ERBB4: variants seen among roughly 807,000 people sequenced by gnomAD.
ERBB4 encodes receptor tyrosine-protein kinase erbB-4.
A neutral mutation model predicts 158.0 loss-of-function variants in ERBB4; 42 were observed. The ratio of observed to expected loss-of-function variants is 0.27; its 90% CI spans 0.21 to 0.34. The LOEUF is 0.34. Among genes scored for constraint, ERBB4 ranks in the 10% least tolerant of loss-of-function variants. The pLI is 1.00. For synonymous variants in ERBB4, 583 were observed against 558.7 expected, an observed-to-expected ratio of 1.04 and a Z score of -0.61; for missense variants, 1,333 against 1,624.1, an observed-to-expected ratio of 0.82 and a Z score of 3.08.
intron 9 of ERBB4, among the ~76,000 whole-genome samples, chr2:211,710,832 G>A (rs1241083234): frequency 1.3e-5 from 2 of 151,962 alleles, no homozygotes; most frequent in African/African-American, 2.4e-5. Flanking sequence ...CTTCCATCAT[G>A]ATTGTGAGGC....
intron 1 of ERBB4, among the ~76,000 whole-genome samples, chr2:212,393,147 A>G (rs952580980): frequency 2.0e-5 from 3 of 152,024 alleles, no homozygotes; most frequent in African/African-American, 7.2e-5. Context: ...TGTTCAAATT[A>G]TTCTGTCCCA....
intron 1 of ERBB4, among the ~76,000 whole-genome samples, chr2:212,427,317 G>A (rs919055324): frequency 6.6e-6 from 1 of 152,140 alleles, no homozygotes; most frequent in Non-Finnish European, 1.5e-5. Flanking sequence ...TTAAGGTAGA[G>A]ATGACAGTTT....
intron 20 of ERBB4, among the ~76,000 whole-genome samples, chr2:211,471,122 A>G (rs1191501570): frequency 6.6e-6 from 1 of 152,108 alleles, no homozygotes; most frequent in East Asian, 1.9e-4. Context: ...GCCCGGGAGG[A>G]TAAGACTACC....
At chr2:211,990,951 G>A (rs1006821187) in intron 2 of ERBB4, among the ~76,000 whole-genome samples, 1 of 151,396 alleles carries the variant, frequency 6.6e-6, no homozygotes, top group Non-Finnish European at 1.5e-5. Flanking sequence ...TTCTTCAAAC[G>A]ACAAAATTCA....
intron 20 of ERBB4, among the ~76,000 whole-genome samples, chr2:211,455,296 T>A (rs2125488467): frequency 6.6e-6 from 1 of 152,358 alleles, no homozygotes; most frequent in African/African-American, 2.4e-5. Context: ...TACTAGCTGA[T>A]TTGAGAAGTT....
At chr2:211,879,726 C>G (rs2106144818) in intron 3 of ERBB4, among the ~76,000 whole-genome samples, 2 of 152,110 alleles carry the variant, frequency 1.3e-5, no homozygotes, top group South Asian at 4.1e-4. Flanking sequence ...TAGTAAAAAA[C>G]TAGAAGCTAG....
At chr2:211,717,354 A>G (rs1010386210) in intron 7 of ERBB4, among the ~76,000 whole-genome samples, 3 of 152,336 alleles carry the variant, frequency 2.0e-5, no homozygotes, top group South Asian at 4.1e-4. Context: ...TGAAATATTT[A>G]AGATGCAAAA....
chr2:211,587,141 C>T (rs1325006839), intron 19 of ERBB4, among the ~76,000 whole-genome samples: 1 of 151,034 alleles, frequency 6.6e-6, no homozygotes, highest in African/African-American at 2.4e-5. Context: ...TCAAGGAGAT[C>T]AGGAGTTCAA....
intron 2 of ERBB4, among the ~76,000 whole-genome samples, chr2:212,058,888 G>C (rs2077668481): frequency 6.6e-6 from 1 of 152,136 alleles, no homozygotes; most frequent in African/African-American, 2.4e-5. Flanking sequence ...CACAAGACAG[G>C]GATGCCCTCT....
chr2:212,429,156 T>TA, intron 1 of ERBB4: 1 of 152,150 alleles, frequency 6.6e-6, no homozygotes, highest in Admixed American at 6.6e-5. Context: ...AAGAGAAACT[T>TA]ACAAATGCAG....
At chr2:211,604,971 A>C (rs186968243) in intron 19 of ERBB4, among the ~76,000 whole-genome samples, 52 of 152,298 alleles carry the variant, frequency 3.4e-4, no homozygotes, top group African/African-American at 1.2e-3. Flanking sequence ...TCTTAAATAC[A>C]GGCTTTCATT....
intron 2 of ERBB4, among the ~76,000 whole-genome samples, chr2:212,110,589 G>A (rs2079374723): frequency 1.3e-5 from 2 of 152,224 alleles, no homozygotes; most frequent in South Asian, 4.1e-4. Flanking sequence ...TGATATCTAA[G>A]TCCTTTAACT....
chr2:211,772,955 A>ATATAT lies in ERBB4; in HGVS notation c.556+15069_556+15070insATATA, dbSNP rs1553630145. Among the ~76,000 whole-genome samples, 52 of 83,292 alleles carry ATATAT rather than the reference A, an allele frequency of 6.2e-4. 1 individual carries two copies. Among genetic ancestry groups the ATATAT allele is most frequent in the African/African-American group, 2.7e-3 (49 of 18,326 alleles). 54.6% of individuals were successfully genotyped at this position (83,292 alleles called of 152,430 possible). A position where few individuals can be genotyped will look rare whatever the true frequency, so the allele number is the denominator to read the frequency against. ...TATATATATATATATATATATATAT[A>ATATAT]TTTTTTTTTTTAAAGATGGGGTCCT... is the stretch of plus-strand genomic sequence containing the variant. On this transcript the variant is annotated intron_variant, in intron 4 of 27. Coordinates refer to ENST00000342788, the MANE Select transcript of ERBB4 (RefSeq NM_005235.3).
chr2:211,573,292 C>T (rs569491341), intron 19 of ERBB4, among the ~76,000 whole-genome samples: 1 of 152,230 alleles, frequency 6.6e-6, no homozygotes, highest in Admixed American at 6.5e-5. Context: ...TGCAGCCCTA[C>T]CAACATCTTG....
At chr2:212,487,526 A>T (rs892531747) in intron 1 of ERBB4, among the ~76,000 whole-genome samples, 1 of 151,728 alleles carries the variant, frequency 6.6e-6, no homozygotes, top group Admixed American at 6.6e-5. Flanking sequence ...AGAAATTAAC[A>T]TTTACTACAC....
chr2:212,076,930 A>G (rs2078292270), intron 2 of ERBB4, among the ~76,000 whole-genome samples: 1 of 151,990 alleles, frequency 6.6e-6, no homozygotes, highest in South Asian at 2.1e-4. Flanking sequence ...TATTTACATT[A>G]GTTCTATTGT....
intron 1 of ERBB4, among the ~76,000 whole-genome samples, chr2:212,187,600 T>C (rs1021218561): frequency 6.6e-5 from 10 of 152,120 alleles, no homozygotes; most frequent in African/African-American, 2.2e-4. Context: ...CAGTCTTAAA[T>C]ATCAATTTTT....
rs542222337 is a variant in ERBB4, at chr2:211,802,495, T to C, written c.422-14336A>G. On this transcript the variant is annotated intron_variant, in intron 3 of 27. Transcript: ENST00000342788. ...CAGAACAATTAGCTGGCAACAAACA[T>C]CTTGAAGAATTGTTGCAAACCAGAT... 1.8e-3 allele frequency among the ~76,000 whole-genome samples: 280 copies of C among 152,320 alleles called. 3 individuals are homozygous for C. The highest frequency in any genetic ancestry group is 6.3e-3 in the African/African-American group (261 of 41,572).
intron 1 of ERBB4, among the ~76,000 whole-genome samples, chr2:212,328,026 C>CT (rs2087941951): frequency 1.1e-4 from 3 of 28,036 alleles, no homozygotes; most frequent in South Asian, 1.1e-3. Flanking sequence ...CTTAAAACAA[C>CT]TTTAAAAAAA....
Sources: allele counts gnomAD v4.1 joint callset (sites outside exome capture counted in the v4.1 genomes callset), GRCh38; gene constraint gnomAD v4.1.1; transcripts MANE v1.5; gene names NCBI Gene and HGNC (gene_info 2026-07-23, HGNC 2026-07-21).